The following PCDH15 variants were observed in gnomAD, a reference collection of about 807,000 sequenced individuals.
PCDH15 encodes the protein protocadherin related 15, also known as protocadherin-15.
Under a neutral mutation model 178.5 loss-of-function variants are expected in PCDH15, and 129 were observed. The observed-to-expected ratio is 0.72, with a 90% CI of 0.63 to 0.84. PCDH15 has a LOEUF of 0.84. Ranked by LOEUF, PCDH15 falls within the 40% of genes least tolerant of loss-of-function variation. The pLI is 0.00. For synonymous variants in PCDH15, 800 were observed against 732.0 expected (o/e 1.09, Z -1.50); for missense variants, 2,230 against 2,099.9 (o/e 1.06, Z -1.21).
At position 54,691,519 on chromosome 10, in the gene PCDH15, C is replaced by T. The variant is rs137876304; in HGVS notation, c.-28-27229G>A. On this transcript the variant is annotated intron_variant, in intron 1 of 37. Coordinates refer to ENST00000644397, the MANE Select transcript of PCDH15 (RefSeq NM_001384140.1). ...TGCACCAGTGCATTAATTGTGAAAG[C>T]TTTCTGCAGCAGGAGCTAGGAAATT... is the stretch of plus-strand genomic sequence containing the variant. Among the ~76,000 whole-genome samples, 426 of 151,898 alleles carry T rather than the reference C, an allele frequency of 2.8e-3. 3 individuals are homozygous for T. The highest frequency in any genetic ancestry group is 9.3e-3 in the African/African-American group (384 of 41,474).
At chr10:54,777,219 A>G (rs1285490314) in intron 1 of PCDH15, among the ~76,000 whole-genome samples, 2 of 152,190 alleles carry the variant, frequency 1.3e-5, no homozygotes, top group African/African-American at 4.8e-5. Flanking sequence ...CGTTGCGCAC[A>G]TCTATACAAT....
intron 1 of PCDH15, among the ~76,000 whole-genome samples, chr10:54,733,581 T>G (rs546542715): frequency 6.6e-5 from 10 of 151,584 alleles, no homozygotes; most frequent in Non-Finnish European, 1.2e-4. Context: ...TAGCAGGATA[T>G]TTTTAGATAC....
Position 55,463,098 on chromosome 10 carries a change from G to GA in PCDH15, c.-156+164526dup, listed in dbSNP as rs550045259. 5.8e-3 allele frequency among the ~76,000 whole-genome samples: 562 copies of GA among 96,286 alleles called. 5 individuals are homozygous for GA. The highest frequency in any genetic ancestry group is 0.011 in the Middle Eastern group (2 of 176). The allele number at this position is 96,286 out of a possible 152,430, so 63.2% of individuals were successfully genotyped here. A position where few individuals can be genotyped will look rare whatever the true frequency, so the allele number is the denominator to read the frequency against. ...ATATAGGAAAGGTCAGGATCCAAGA[G>GA]AAAAAAAAAAAAACAAAAACAACCA... On this transcript the variant is annotated intron_variant, in intron 2 of 5. Coordinates refer to the PCDH15 transcript ENST00000613346.
chr10:54,514,928 T>G (rs2137912153), intron 3 of PCDH15, among the ~76,000 whole-genome samples: 1 of 152,342 alleles, frequency 6.6e-6, no homozygotes, highest in South Asian at 2.1e-4. Context: ...AAAGAAATTT[T>G]AGACTGATTG....
intron 2 of PCDH15, among the ~76,000 whole-genome samples, chr10:55,536,274 A>ACTTTCTTT (rs1841576618): frequency 6.6e-6 from 1 of 152,006 alleles, no homozygotes; most frequent in South Asian, 2.1e-4. Context: ...TATTTTGTGC[A>ACTTTCTTT]CTTTCTTTTA....
chr10:55,193,225 A>G (rs941310022), intron 1 of PCDH15, among the ~76,000 whole-genome samples: 6 of 151,920 alleles, frequency 3.9e-5, no homozygotes, highest in Non-Finnish European at 8.8e-5. Flanking sequence ...GATATTCAAT[A>G]TTCATTATAG....
At chr10:55,149,894 T>C (rs942286463) in intron 2 of PCDH15, among the ~76,000 whole-genome samples, 19 of 151,982 alleles carry the variant, frequency 1.3e-4, no homozygotes, top group Admixed American at 1.1e-3. Flanking sequence ...TATGTACATA[T>C]TGGATTACAA....
At chr10:55,299,365 C>T (rs1276642211) in intron 1 of PCDH15, among the ~76,000 whole-genome samples, 1 of 152,140 alleles carries the variant, frequency 6.6e-6, no homozygotes, top group Non-Finnish European at 1.5e-5. Flanking sequence ...GATAAGTGAG[C>T]TATGCCATTA....
Position 53,971,914 on chromosome 10 carries a change from T to G in PCDH15, c.2869-10022A>C, listed in dbSNP as rs555006012. Among the ~76,000 whole-genome samples, 497 of 152,144 alleles carry G rather than the reference T, an allele frequency of 3.3e-3. 3 individuals carry two copies. Among genetic ancestry groups the G allele is most frequent in the African/African-American group, 0.011 (462 of 41,500 alleles). On this transcript the variant is annotated intron_variant, in intron 21 of 37. Transcript: ENST00000644397. ...ATCCCCATCAAGCTACCAATGACTT[T>G]CTTCACAGAATTGGAAAAAACTACT...
chr10:55,146,717 C>T (rs1481105189), intron 2 of PCDH15, among the ~76,000 whole-genome samples: 1 of 151,780 alleles, frequency 6.6e-6, no homozygotes, highest in Non-Finnish European at 1.5e-5. Flanking sequence ...AGTATCATGG[C>T]CATTATTAAA....
In PCDH15 at chr10:55,380,966, T is replaced by G. The variant is rs111897062; in HGVS notation, c.-155-214315A>C. Among the ~76,000 whole-genome samples the G allele has an allele frequency of 1.6e-3, 237 of 152,288 alleles. 1 individual carries two copies. The highest frequency in any genetic ancestry group is 5.2e-3 in the African/African-American group (216 of 41,578). On this transcript the variant is annotated intron_variant, in intron 2 of 5. Transcript: ENST00000613346. ...AGTTTATTTGAAGTTATAAAGAGCC[T>G]CTTTGGGATAAGGTAGTAAATGTTC...
intron 2 of PCDH15, among the ~76,000 whole-genome samples, chr10:54,593,353 TG>T (rs1231537964): frequency 6.6e-6 from 1 of 152,186 alleles, no homozygotes; most frequent in Non-Finnish European, 1.5e-5. Context: ...TTTTTATTTT[TG>T]TATGTGGTAA....
At chr10:55,013,160 T>C (rs1922147) in intron 2 of PCDH15, among the ~76,000 whole-genome samples, 121,445 of 152,040 alleles carry the variant, frequency 0.8, 48,779 homozygotes, top group African/African-American at 0.87. Flanking sequence ...AACTACATCT[T>C]ACAAATCCAT....
At chr10:55,016,501 A>G (rs1840183399) in intron 2 of PCDH15, among the ~76,000 whole-genome samples, 1 of 152,188 alleles carries the variant, frequency 6.6e-6, no homozygotes, top group Non-Finnish European at 1.5e-5. Context: ...GAGTGAGAAC[A>G]TGTAAAGTAT....
chr10:54,563,592 G>C (rs1456705784), intron 2 of PCDH15, among the ~76,000 whole-genome samples: 1 of 152,124 alleles, frequency 6.6e-6, no homozygotes, highest in Non-Finnish European at 1.5e-5. Flanking sequence ...TTCAGACAAA[G>C]GTTCTCTATA....
chr10:54,358,495 TAAAAGTCAGGGAACAAC>T (rs1003194254), intron 5 of PCDH15, among the ~76,000 whole-genome samples: 1 of 152,054 alleles, frequency 6.6e-6, no homozygotes, highest in African/African-American at 2.4e-5. Context: ...TGGCAATCAT[TAAAAGTCAGGGAACAAC>T]AAATGCTGGA....
intron 3 of PCDH15, among the ~76,000 whole-genome samples, chr10:54,463,918 G>A (rs2077355643): frequency 6.6e-6 from 1 of 152,170 alleles, no homozygotes; most frequent in South Asian, 2.1e-4. Context: ...TTGAGACAGA[G>A]AAAACAACAT....
chr10:54,228,336 C>T (rs942873773), intron 9 of PCDH15, among the ~76,000 whole-genome samples: 2 of 152,042 alleles, frequency 1.3e-5, no homozygotes, highest in Non-Finnish European at 2.9e-5. Flanking sequence ...TGCAGGGGAA[C>T]TCCTCTTTTT....
chr10:54,980,202 AG>A (rs1839195825), intron 2 of PCDH15, among the ~76,000 whole-genome samples: 3 of 152,174 alleles, frequency 2.0e-5, no homozygotes, highest in African/African-American at 7.2e-5. Flanking sequence ...ATGGAATACT[AG>A]GCATAATTAA....
Sources: gnomAD v4.1 joint callset for allele counts (sites outside exome capture counted in the v4.1 genomes callset) on GRCh38, gnomAD v4.1.1 for gene constraint, MANE v1.5 for transcripts, NCBI Gene and HGNC (gene_info 2026-07-23, HGNC 2026-07-21) for gene names.